Variants in COQ7 observed in about 807,000 individuals in gnomAD.
The protein encoded by COQ7 is coenzyme Q7, hydroxylase, also known as NADPH-dependent 3-demethoxyubiquinone 3-hydroxylase, mitochondrial.
In COQ7, 21 loss-of-function variants were observed where a neutral mutation model predicts 25.0. That is an observed-to-expected ratio of 0.84 (90% CI 0.60 to 1.21). The LOEUF (loss-of-function observed/expected upper bound fraction) is 1.21. Among genes scored for constraint, COQ7 ranks in the 50% most tolerant of loss-of-function variants. COQ7 has a pLI of 0.00. For missense variants in COQ7, 311 were observed against 296.2 expected (o/e 1.05, Z -0.37); for synonymous variants, 125 against 112.4 (o/e 1.11, Z -0.71).
chr16:19,067,739 TA>T lies in COQ7; in HGVS notation c.73+6del. The T allele has an allele frequency of 6.2e-7, 1 of 1,600,682 alleles. No homozygotes were observed. Reference sequence around the variant, plus strand: ...CGGGGGCCCGGCGGTCCCTCTCAGGTAAAAGGAGGCGCGCAGTCACAGTCCT... The same window carrying T: ...CGGGGGCCCGGCGGTCCCTCTCAGGTAAAGGAGGCGCGCAGTCACAGTCCT... On this transcript the variant is annotated splice_donor_region_variant and intron_variant, in intron 1 of 5. Transcript: ENST00000321998.
chr16:19,069,888 A>G (rs1962466463), intron 1 of COQ7, among the ~76,000 whole-genome samples: 1 of 151,916 alleles, frequency 6.6e-6, no homozygotes, highest in Non-Finnish European at 1.5e-5. Flanking sequence ...GGTTCAAGTG[A>G]TTGTTCTGCC....
At chr16:19,082,209 T>G (rs1004960650), downstream of COQ7, among the ~76,000 whole-genome samples, 8 of 152,192 alleles carry the variant, frequency 5.3e-5, no homozygotes, top group Admixed American at 5.2e-4. Context: ...TGGATGAACC[T>G]TAAAAATATT....
At position 19,067,674 on chromosome 16, in the gene COQ7, G is replaced by T; in HGVS notation, c.10G>T (p.Ala4Ser). MSC[A>S]GAAAAPRLWR... is the part of the protein sequence containing the mutation. The stretch of plus-strand genomic sequence containing the variant: ...TTTTTTAGTTCCGGCAATGAGTTGC[G>T]CCGGGGCGGCGGCGGCTCCCCGCCT... Residue 4 changes from alanine to serine, a missense_variant, in exon 1 of 6, where the codon GCC (alanine) becomes TCC (serine). Ala to Ser is a moderately conservative substitution (Grantham distance 99). Coordinates refer to ENST00000321998, the MANE Select transcript of COQ7 (RefSeq NM_016138.5). 1 of 1,612,556 alleles carries T rather than the reference G, an allele frequency of 6.2e-7. No individual in the cohort carries two copies. Among genetic ancestry groups the T allele is most frequent in the Non-Finnish European group, 8.5e-7 (1 of 1,179,350 alleles).
chr16:19,075,683 T>A, intron 3 of COQ7, 38 bp from the exon 4 acceptor site: 1 of 1,530,932 alleles, frequency 6.5e-7, no homozygotes, highest in Non-Finnish European at 8.7e-7. Flanking sequence ...CGGTCATATC[T>A]GTCTCTTACT....
downstream of COQ7, among the ~76,000 whole-genome samples, chr16:19,081,006 C>G (rs1343244112): frequency 6.6e-6 from 1 of 152,108 alleles, no homozygotes; most frequent in Non-Finnish European, 1.5e-5. Context: ...CTGAAATATT[C>G]ATGAATATCA....
At chr16:19,075,359 CACTG>C (rs1214098647) in intron 3 of COQ7, among the ~76,000 whole-genome samples, 10 of 152,082 alleles carry the variant, frequency 6.6e-5, no homozygotes, top group Admixed American at 2.6e-4. Context: ...CCCACCACCA[CACTG>C]ACTAATTTTT....
chr16:19,077,603 T>TTC (rs1555522747), intron 5 of COQ7, among the ~76,000 whole-genome samples: 1 of 142,334 alleles, frequency 7.0e-6, no homozygotes, highest in Non-Finnish European at 1.5e-5. Context: ...TTTTTTTTTT[T>TTC]TCCCAGACAC....
intron 3 of COQ7, among the ~76,000 whole-genome samples, chr16:19,075,158 G>A (rs1212301519): frequency 6.6e-6 from 1 of 150,476 alleles, no homozygotes; most frequent in African/African-American, 2.4e-5. Flanking sequence ...CTCAGGGTGA[G>A]TTTGTCCCCC....
chr16:19,071,615 C>T (rs1202196857), intron 1 of COQ7, among the ~76,000 whole-genome samples: 3 of 152,144 alleles, frequency 2.0e-5, no homozygotes, highest in African/African-American at 7.2e-5. Flanking sequence ...TGGGCTGGGG[C>T]GAAGTGGGCC....
At chr16:19,073,395 G>A (rs1375560082) in intron 2 of COQ7, among the ~76,000 whole-genome samples, 1 of 152,150 alleles carries the variant, frequency 6.6e-6, no homozygotes, top group Non-Finnish European at 1.5e-5. Context: ...TTGAGAGGCC[G>A]AGGTGGGAGG....
chr16:19,071,216 A>T (rs1005992385), intron 1 of COQ7, among the ~76,000 whole-genome samples: 1 of 152,060 alleles, frequency 6.6e-6, no homozygotes, highest in African/African-American at 2.4e-5. Flanking sequence ...GCTCACGGCA[A>T]TCTCTGCCTC....
chr16:19,071,803 T>C, intron 1 of COQ7, 125 bp from the exon 2 acceptor site: 2 of 979,012 alleles, frequency 2.0e-6, no homozygotes, highest in South Asian at 3.0e-5. Flanking sequence ...AGTCCGTTTA[T>C]GGGCACGCCT....
chr16:19,070,927 C>T (rs1474435031), intron 1 of COQ7, among the ~76,000 whole-genome samples: 1 of 152,082 alleles, frequency 6.6e-6, no homozygotes, highest in Non-Finnish European at 1.5e-5. Context: ...TAATATAAGG[C>T]TCAGAGAATA....
At chr16:19,077,590 C>CTTTTTTTTTTTTTTTTTT (rs60523088) in intron 5 of COQ7, among the ~76,000 whole-genome samples, 5,503 of 74,092 alleles carry the variant, frequency 0.074, 1,587 homozygotes, top group African/African-American at 0.12. Flanking sequence ...TCCCCAGAAG[C>CTTTTTTTTTTTTTTTTTT]TTTTTTTTTT....
chr16:19,072,164 T>G, intron 2 of COQ7, 58 bp downstream of exon 2: 1 of 1,594,990 alleles, frequency 6.3e-7, no homozygotes, highest in Non-Finnish European at 8.6e-7. Flanking sequence ...TCCAAAGGAC[T>G]TCAAGTAATG....
chr16:19,072,937 G>A (rs893512395), intron 2 of COQ7, among the ~76,000 whole-genome samples: 29 of 152,310 alleles, frequency 1.9e-4, no homozygotes, highest in Middle Eastern at 3.4e-3. Context: ...TTGGGAGGCC[G>A]AGGCCAATGG....
At chr16:19,069,852 T>C (rs4346187) in intron 1 of COQ7, among the ~76,000 whole-genome samples, 136,263 of 152,076 alleles carry the variant, frequency 0.9, 62,029 homozygotes, top group Non-Finnish European at 0.97. Flanking sequence ...GGTATGATCT[T>C]AGCTCACTGC....
chr16:19,072,364 G>A, intron 2 of COQ7: 3 of 478,232 alleles, frequency 6.3e-6, no homozygotes, highest in South Asian at 5.5e-5. Flanking sequence ...GGGGCAGGCA[G>A]TAATGAAAAA....
Position 19,074,039 on chromosome 16 carries a change from C to T in COQ7, c.367+4C>T, listed in dbSNP as rs114401101. 2.8e-3 allele frequency: 4,461 copies of T among 1,605,970 alleles called. 68 individuals are homozygous for T. In the African/African-American group the frequency reaches 0.044, roughly 16 times the overall value. On this transcript the variant is annotated splice_donor_region_variant and intron_variant, in intron 3 of 5. Transcript: ENST00000321998. ...AACGTGCTGGGGTTTGCACTGGGTA[C>T]GTGTCTCTCTAGAAGAGCTTATGCA...
Sources: allele counts gnomAD v4.1 joint callset (sites outside exome capture counted in the v4.1 genomes callset), GRCh38; gene constraint gnomAD v4.1.1; transcripts MANE v1.5; gene names NCBI Gene and HGNC (gene_info 2026-07-23, HGNC 2026-07-21).